The following PLCH1 variants were observed in gnomAD, a reference collection of about 807,000 sequenced individuals.
PLCH1 encodes phospholipase C eta 1.
In PLCH1, 60 loss-of-function variants were observed where a neutral mutation model predicts 126.7. The ratio of observed to expected loss-of-function variants is 0.47; its 90% CI spans 0.38 to 0.59. PLCH1 has a LOEUF of 0.59. PLCH1 is among the 20% of genes least tolerant of loss of function. PLCH1 has a pLI of 0.00. For missense variants in PLCH1, 1,723 were observed against 2,040.0 expected (o/e 0.84, Z 2.99); for synonymous variants, 719 against 734.9 (o/e 0.98, Z 0.35).
chr3:155,537,027 C>T (rs1189745637), intron 10 of PLCH1, among the ~76,000 whole-genome samples: 2 of 152,046 alleles, frequency 1.3e-5, no homozygotes, highest in Admixed American at 1.3e-4. Flanking sequence ...TCTTCAGCCT[C>T]CTTAAAATAA....
At chr3:155,623,398 C>T (rs1736778245) in intron 2 of PLCH1, among the ~76,000 whole-genome samples, 1 of 151,930 alleles carries the variant, frequency 6.6e-6, no homozygotes, top group Non-Finnish European at 1.5e-5. Flanking sequence ...CAAGAAATAA[C>T]TAAGATTAGA....
chr3:155,482,294 C>T lies in PLCH1; in HGVS notation c.3732G>A (p.Leu1244=). The change falls in exon 23 of 23, where the codon CTG becomes CTA. Residue 1244 remains leucine, a synonymous_variant. Transcript: ENST00000460012. ...GTGCTATCAGCTCCGGAGATGAGCA[C>T]AGGAAGGAAGACTTGGATTTTCCCT... ...FCKGKSKSSF[L]CSSPELIALS... 6.2e-7 allele frequency: 1 copy of T among 1,614,154 alleles called. No homozygotes were observed. The highest frequency in any genetic ancestry group is 8.5e-7 in the Non-Finnish European group (1 of 1,180,032).
intron 2 of PLCH1, among the ~76,000 whole-genome samples, chr3:155,656,465 T>A (rs192406177): frequency 1.3e-5 from 2 of 152,282 alleles, no homozygotes; most frequent in Admixed American, 1.3e-4. Context: ...CCAGTGAAAT[T>A]TTTTCAGGAA....
chr3:155,517,598 G>GT (rs1239399320), intron 11 of PLCH1, among the ~76,000 whole-genome samples: 22 of 152,060 alleles, frequency 1.4e-4, no homozygotes, highest in Non-Finnish European at 1.5e-5. Context: ...CCATCTGTTT[G>GT]TGTCTTCTCT....
intron 13 of PLCH1, among the ~76,000 whole-genome samples, chr3:155,502,232 G>T (rs1718014408): frequency 6.6e-6 from 1 of 152,002 alleles, no homozygotes; most frequent in Non-Finnish European, 1.5e-5. Flanking sequence ...GCTTCCTATT[G>T]GATCTTTAGA....
At chr3:155,531,133 G>C (rs988643886) in intron 10 of PLCH1, among the ~76,000 whole-genome samples, 1 of 152,178 alleles carries the variant, frequency 6.6e-6, no homozygotes, top group Non-Finnish European at 1.5e-5. Context: ...AGGCAGAGTA[G>C]ATTTAGCATA....
At chr3:155,469,264 G>A (rs554587796) in intron 21 of PLCH1, among the ~76,000 whole-genome samples, 1 of 152,344 alleles carries the variant, frequency 6.6e-6, no homozygotes, top group East Asian at 1.9e-4. Flanking sequence ...CCTCACTTGG[G>A]AAGCGCAAGG....
At chr3:155,453,474 A>T (rs1348120322) in intron 21 of PLCH1, among the ~76,000 whole-genome samples, 1 of 152,220 alleles carries the variant, frequency 6.6e-6, no homozygotes, top group African/African-American at 2.4e-5. Flanking sequence ...CTGTTTACCA[A>T]GTCTTCATTT....
intron 21 of PLCH1, among the ~76,000 whole-genome samples, chr3:155,459,131 T>G (rs1011947334): frequency 6.6e-6 from 1 of 152,212 alleles, no homozygotes; most frequent in African/African-American, 2.4e-5. Context: ...AATATTAAGT[T>G]GTCGCTGCAA....
intron 2 of PLCH1, among the ~76,000 whole-genome samples, chr3:155,629,362 C>T (rs1175974122): frequency 2.0e-5 from 3 of 152,224 alleles, no homozygotes. Flanking sequence ...TTCCAATCCA[C>T]ACACAGATAA....
chr3:155,716,399 T>A (rs1198540528), intron 1 of PLCH1, among the ~76,000 whole-genome samples: 1 of 152,238 alleles, frequency 6.6e-6, no homozygotes, highest in African/African-American at 2.4e-5. Context: ...CATTCTTGCA[T>A]TGGCATAAAT....
intron 2 of PLCH1, among the ~76,000 whole-genome samples, chr3:155,645,535 G>A (rs948255574): frequency 6.6e-6 from 1 of 152,178 alleles, no homozygotes; most frequent in Non-Finnish European, 1.5e-5. Context: ...AGAATGCAGT[G>A]GCACGATCAC....
intron 6 of PLCH1, among the ~76,000 whole-genome samples, chr3:155,582,764 A>T (rs528512025): frequency 3.3e-5 from 5 of 152,316 alleles, no homozygotes; most frequent in Non-Finnish European, 5.9e-5. Flanking sequence ...AGGTTAAAAA[A>T]TTTGAATAAA....
intron 8 of PLCH1, among the ~76,000 whole-genome samples, chr3:155,558,928 T>A (rs1727191255): frequency 6.6e-6 from 1 of 152,000 alleles, no homozygotes; most frequent in Non-Finnish European, 1.5e-5. Flanking sequence ...ACAGAGATCA[T>A]GTCACCAAAT....
chr3:155,626,994 A>G (rs1045762437), intron 2 of PLCH1, among the ~76,000 whole-genome samples: 1 of 152,186 alleles, frequency 6.6e-6, no homozygotes, highest in South Asian at 2.1e-4. Flanking sequence ...AAGACAATTC[A>G]CAGAAGTAAC....
chr3:155,550,442 G>A (rs1168786327), intron 9 of PLCH1, among the ~76,000 whole-genome samples: 1 of 152,112 alleles, frequency 6.6e-6, no homozygotes, highest in Admixed American at 6.5e-5. Flanking sequence ...AATAACATAA[G>A]GGAATTCTGT....
At chr3:155,610,930 T>G (rs754856574) in intron 2 of PLCH1, among the ~76,000 whole-genome samples, 20 of 152,110 alleles carry the variant, frequency 1.3e-4, no homozygotes, top group Non-Finnish European at 2.1e-4. Flanking sequence ...GCAGAATGAA[T>G]AAAAATCCAC....
At position 155,594,104 on chromosome 3, in the gene PLCH1, G is replaced by A. The variant is rs1477282974; in HGVS notation, c.307C>T (p.Pro103Ser). Reference sequence around the variant, plus strand: ...TGGTAGATGGTGAAGCAGCAGCTGGGGTCGAAGTTCCCCTCAGCTTGTCTG... The same window carrying A: ...TGGTAGATGGTGAAGCAGCAGCTGGAGTCGAAGTTCCCCTCAGCTTGTCTG... ...FHRQAEGNFDPSCCFTIYHGN... is the reference protein window; with the variant it reads ...FHRQAEGNFDSSCCFTIYHGN... Residue 103 changes from proline to serine, a missense_variant, in exon 4 of 23, where the codon CCC becomes TCC. Coordinates refer to ENST00000460012, the MANE Select transcript of PLCH1 (RefSeq NM_014996.4). The A allele has an allele frequency of 4.3e-6, 7 of 1,614,044 alleles. No homozygotes were observed. Among genetic ancestry groups the A allele is most frequent in the Non-Finnish European group, 5.9e-6 (7 of 1,180,016 alleles).
At chr3:155,624,981 G>T (rs146534888) in intron 2 of PLCH1, among the ~76,000 whole-genome samples, 7,146 of 152,216 alleles carry the variant, frequency 0.047, 236 homozygotes, top group Middle Eastern at 0.1. Context: ...CATGGTACCT[G>T]ACTTCAAACT....
Sources: allele counts gnomAD v4.1 joint callset (sites outside exome capture counted in the v4.1 genomes callset), GRCh38; gene constraint gnomAD v4.1.1; transcripts MANE v1.5; gene names NCBI Gene and HGNC (gene_info 2026-07-23, HGNC 2026-07-21).